SEMA7A: variants seen among roughly 807,000 people sequenced by gnomAD.
The protein encoded by SEMA7A is semaphorin-7A.
In SEMA7A, 21 loss-of-function variants were observed where a neutral mutation model predicts 67.5. The observed-to-expected ratio is 0.31, with a 90% CI of 0.22 to 0.45. SEMA7A has a LOEUF of 0.45. SEMA7A is among the 20% of genes least tolerant of loss of function. The pLI, the probability that SEMA7A is intolerant of heterozygous loss-of-function variation, is 1.00. For missense variants in SEMA7A, 774 were observed against 908.6 expected (o/e 0.85, Z 1.90); for synonymous variants, 364 against 368.5 (o/e 0.99, Z 0.14).
rs1179278720 is a variant in SEMA7A, at chr15:74,410,397, C to G, written c.*227G>C. 1 of 536,618 alleles carries G rather than the reference C, an allele frequency of 1.9e-6. No homozygotes were observed. The highest frequency in any genetic ancestry group is 3.2e-6 in the Non-Finnish European group (1 of 312,620). 33.2% of individuals were successfully genotyped at this position (536,618 alleles called of 1,614,324 possible). The stretch of plus-strand genomic sequence containing the variant: ...AAGTCTTGGGTCATCGATGCCCCAG[C>G]TTCACAGTCGGTGCCCTCATTCTCA... On this transcript the variant is annotated 3_prime_UTR_variant, in exon 14 of 14. Coordinates refer to ENST00000261918, the MANE Select transcript of SEMA7A (RefSeq NM_003612.5). This position sits in a 1 kb window ranked among gnomAD's most constrained non-coding sequence, Gnocchi z 7.5.
At chr15:74,433,608 C>T (rs2061112958) in intron 1 of SEMA7A, 133 bp downstream of exon 1, 3 of 1,272,852 alleles carry the variant, frequency 2.4e-6, no homozygotes, top group Non-Finnish European at 3.0e-6. Flanking sequence ...ACACGCTCCA[C>T]GCGGGGACAG....
At position 74,417,870 on chromosome 15, in the gene SEMA7A, T is replaced by TTCTC. The variant is rs2060965663; in HGVS notation, c.465+3_465+6dup. ...CTGATCAGGCACATGGGGAGCAGCCTTCTCACCAGGTTCCAGCAGCTGGGG... is the reference window on the plus strand; with the variant it reads ...CTGATCAGGCACATGGGGAGCAGCCTTCTCTCTCACCAGGTTCCAGCAGCTGGGG... On this transcript the variant is annotated splice_region_variant and intron_variant, in intron 4 of 13. Coordinates refer to ENST00000261918, the MANE Select transcript of SEMA7A (RefSeq NM_003612.5). 6.2e-7 allele frequency: 1 copy of TTCTC among 1,613,202 alleles called. No individual in the cohort carries two copies. Among genetic ancestry groups the TTCTC allele is most frequent in the African/African-American group, 1.3e-5 (1 of 74,934 alleles).
chr15:74,430,760 C>T (rs552923366), intron 1 of SEMA7A, among the ~76,000 whole-genome samples: 1 of 152,332 alleles, frequency 6.6e-6, no homozygotes, highest in South Asian at 2.1e-4. Flanking sequence ...TCTAAGTCCC[C>T]AAGGGGGCAA....
In SEMA7A at chr15:74,418,858, T is replaced by C. The variant is rs1382971800; in HGVS notation, c.273A>G (p.Gly91=). ...AGTCAAAGAGGTAGACCTTGCCACGTCCTCCCACCCACACAGAGGAGCTGC... is the reference window on the plus strand; with the variant it reads ...AGTCAAAGAGGTAGACCTTGCCACGCCCTCCCACCCACACAGAGGAGCTGC... ...EPGSSSVWVG[G]RGKVYLFDFP... is the part of the protein sequence containing the mutation. The change falls in exon 2 of 14, where the codon GGA becomes GGG. Residue 91 remains glycine (G), a synonymous_variant. Coordinates refer to ENST00000261918, the MANE Select transcript of SEMA7A (RefSeq NM_003612.5). 1 of 1,613,616 alleles carries C rather than the reference T, an allele frequency of 6.2e-7. No individual in the cohort carries two copies.
Position 74,423,791 on chromosome 15 carries a change from C to G in SEMA7A, c.179-4839G>C, listed in dbSNP as rs909287461. 6.6e-6 allele frequency among the ~76,000 whole-genome samples: 1 copy of G among 152,188 alleles called. No individual in the cohort carries two copies. The highest frequency in any genetic ancestry group is 1.5e-5 in the Non-Finnish European group (1 of 68,036). Reference sequence around the variant, plus strand: ...AACCCTTCCACTAGGGGTGGGAATACAGGAACAAATGTTTCTGTCTCTCCT... The same window carrying G: ...AACCCTTCCACTAGGGGTGGGAATAGAGGAACAAATGTTTCTGTCTCTCCT... On this transcript the variant is annotated intron_variant, in intron 1 of 13. Transcript: ENST00000261918. The surrounding 1 kb of genome is among the most constrained non-coding windows in gnomAD (Gnocchi z 4.1).
At chr15:74,417,210 T>C in intron 6 of SEMA7A, 125 bp downstream of exon 6, 1 of 754,486 alleles carries the variant, frequency 1.3e-6, no homozygotes, top group South Asian at 1.6e-5. Context: ...TATACCAAGG[T>C]CCTGCTTTCC....
intron 1 of SEMA7A, among the ~76,000 whole-genome samples, chr15:74,429,638 G>A (rs77410141): frequency 5.2e-4 from 79 of 152,328 alleles, no homozygotes; most frequent in African/African-American, 1.7e-3. Context: ...TGCCTGCCAC[G>A]GCCCTTCTCC....
Position 74,410,678 on chromosome 15 carries a change from G to A in SEMA7A, c.1947C>T (p.Ala649=). The change falls in exon 14 of 14, where the codon GCC becomes GCT. Residue 649 remains alanine (A), a synonymous_variant. Coordinates refer to ENST00000261918, the MANE Select transcript of SEMA7A (RefSeq NM_003612.5). The surrounding 1 kb of genome is among the most constrained non-coding windows in gnomAD (Gnocchi z 7.5). ...HLLGHACALA[A]SLWLGVLPTL... ...TGGGCAGCACCCCCAGCCAGAGGGA[G>A]GCGGCCAGGGCACAGGCATGACCCA... 1 of 1,609,562 alleles carries A rather than the reference G, an allele frequency of 6.2e-7. No homozygotes were observed. Among genetic ancestry groups the A allele is most frequent in the Non-Finnish European group, 8.5e-7 (1 of 1,176,688 alleles).
Position 74,414,535 on chromosome 15 carries a change from G to A in SEMA7A, c.1294+12C>T. On this transcript the variant is annotated intron_variant, in intron 10 of 13. Coordinates refer to ENST00000261918, the MANE Select transcript of SEMA7A (RefSeq NM_003612.5). This position sits in a 1 kb window ranked among gnomAD's most constrained non-coding sequence, Gnocchi z 4.1. ...TACAAAGCAAACTGAGGGTCCCGGG[G>A]TAGCCTCTCACCTGTAGTTAGGTAA... 6.2e-7 allele frequency: 1 copy of A among 1,613,392 alleles called. No homozygotes were observed. The highest frequency in any genetic ancestry group is 8.5e-7 in the Non-Finnish European group (1 of 1,179,370).
intron 1 of SEMA7A, among the ~76,000 whole-genome samples, chr15:74,432,730 C>G (rs949095580): frequency 1.3e-5 from 2 of 152,164 alleles, no homozygotes; most frequent in Non-Finnish European, 2.9e-5. Context: ...GCCCCCACTG[C>G]GAGTCCCCCA....
Position 74,433,925 on chromosome 15 carries a change from G to A in SEMA7A, c.-7C>T, listed in dbSNP as rs1164502287. Reference sequence around the variant, plus strand: ...CGGGCGGAGGAGGCGTCATCCCGTGGCCCCGGGAGCGACAGCGGCAATCAG... The same window carrying A: ...CGGGCGGAGGAGGCGTCATCCCGTGACCCCGGGAGCGACAGCGGCAATCAG... On this transcript the variant is annotated 5_prime_UTR_variant, in exon 1 of 14. Transcript: ENST00000261918. The A allele has an allele frequency of 3.2e-6, 4 of 1,243,938 alleles. No individual in the cohort carries two copies. Among genetic ancestry groups the A allele is most frequent in the South Asian group, 3.6e-5 (1 of 28,014 alleles). The allele number at this position is 1,243,938 out of a possible 1,614,324, so 77.1% of individuals were successfully genotyped here.
At position 74,411,517 on chromosome 15, in the gene SEMA7A, C is replaced by A. The variant is rs1470505972; in HGVS notation, c.1577+39G>T. The A allele has an allele frequency of 6.5e-7, 1 of 1,543,674 alleles. No homozygotes were observed. The highest frequency in any genetic ancestry group is 8.7e-7 in the Non-Finnish European group (1 of 1,143,710). ...GACAACACCTCCCCCTCTCCCATGC[C>A]CACCTTCTCCCAGGGACGAGGGATC... On this transcript the variant is annotated intron_variant, in intron 12 of 13. Coordinates refer to ENST00000261918, the MANE Select transcript of SEMA7A (RefSeq NM_003612.5). This position sits in a 1 kb window ranked among gnomAD's most constrained non-coding sequence, Gnocchi z 4.4.
At chr15:74,416,098 G>A in intron 7 of SEMA7A, 113 bp from the exon 8 acceptor site, 2 of 1,128,746 alleles carry the variant, frequency 1.8e-6, no homozygotes, top group Non-Finnish European at 2.5e-6. Flanking sequence ...AGGAAGGCAG[G>A]CTGTGAGGGG....
intron 1 of SEMA7A, among the ~76,000 whole-genome samples, chr15:74,419,798 AC>A (rs1004350776): frequency 1.3e-5 from 2 of 152,118 alleles, no homozygotes; most frequent in African/African-American, 4.8e-5. Context: ...GGGAACCTTC[AC>A]AGAGCACAGC....
At chr15:74,425,665 T>A (rs191590957) in intron 1 of SEMA7A, among the ~76,000 whole-genome samples, 1 of 152,356 alleles carries the variant, frequency 6.6e-6, no homozygotes, top group East Asian at 1.9e-4. Flanking sequence ...TGCTTTGATG[T>A]TGCCCTGGCA....
chr15:74,433,907 A>T lies in SEMA7A; in HGVS notation c.12T>A (p.Pro4=). 1 of 1,253,828 alleles carries T rather than the reference A, an allele frequency of 8.0e-7. No individual in the cohort carries two copies. The highest frequency in any genetic ancestry group is 1.0e-6 in the Non-Finnish European group (1 of 1,002,948). 77.7% of individuals were successfully genotyped at this position (1,253,828 alleles called of 1,614,324 possible). MTP[P]PPGRAAPSAP... ...CGCTGGGGGCGGCACGTCCGGGCGG[A>T]GGAGGCGTCATCCCGTGGCCCCGGG... Residue 4 remains proline, a synonymous_variant, in exon 1 of 14, where the codon CCT becomes CCA. Coordinates refer to ENST00000261918, the MANE Select transcript of SEMA7A (RefSeq NM_003612.5).
chr15:74,413,419 A>T (rs28362923), intron 10 of SEMA7A, among the ~76,000 whole-genome samples: 11 of 152,336 alleles, frequency 7.2e-5, no homozygotes, highest in African/African-American at 2.6e-4. Flanking sequence ...ACCTTCTCTA[A>T]TCACTCAAGT....
chr15:74,433,935 C>A lies in SEMA7A; in HGVS notation c.-17G>T, dbSNP rs1259593480. 2.4e-6 allele frequency: 3 copies of A among 1,242,022 alleles called. No homozygotes were observed. The highest frequency in any genetic ancestry group is 1.6e-5 in the African/African-American group (1 of 64,064). 76.9% of individuals were successfully genotyped at this position (1,242,022 alleles called of 1,614,324 possible). A position where few individuals can be genotyped will look rare whatever the true frequency, so the allele number is the denominator to read the frequency against. ...AGGCGTCATCCCGTGGCCCCGGGAG[C>A]GACAGCGGCAATCAGCCGAGACTGA... On this transcript the variant is annotated 5_prime_UTR_variant, in exon 1 of 14. Coordinates refer to ENST00000261918, the MANE Select transcript of SEMA7A (RefSeq NM_003612.5).
chr15:74,429,237 TG>T (rs1174670907), intron 1 of SEMA7A, among the ~76,000 whole-genome samples: 1 of 151,612 alleles, frequency 6.6e-6, no homozygotes, highest in Non-Finnish European at 1.5e-5. Context: ...AAGCTGGGGG[TG>T]GACAGGCTAT....
Sources: allele counts gnomAD v4.1 joint callset (sites outside exome capture counted in the v4.1 genomes callset), GRCh38; gene constraint gnomAD v4.1.1; non-coding constraint Gnocchi (gnomAD v3.1); transcripts MANE v1.5; gene names NCBI Gene and HGNC (gene_info 2026-07-23, HGNC 2026-07-21).